Variants in KPNA5 observed in about 807,000 individuals in gnomAD.
KPNA5 encodes the protein importin subunit alpha-6.
KPNA5 carries 46 observed loss-of-function variants against 71.3 expected under a neutral mutation model. The ratio of observed to expected loss-of-function variants is 0.65; its 90% CI spans 0.51 to 0.83. The LOEUF is 0.83. Ranked by LOEUF, KPNA5 falls within the 40% of genes least tolerant of loss-of-function variation. The probability of loss-of-function intolerance (pLI) is 0.00; values close to 1 mark genes in which losing one functional copy is unlikely to be tolerated. For missense variants in KPNA5, 547 were observed against 628.3 expected, an observed-to-expected ratio of 0.87 and a Z score of 1.38; for synonymous variants, 207 against 201.4, an observed-to-expected ratio of 1.03 and a Z score of -0.24.
intron 6 of KPNA5, 136 bp from the exon 7 acceptor site, chr6:116,704,936 A>G (rs959315511): frequency 1.5e-5 from 9 of 603,294 alleles, no homozygotes; most frequent in Middle Eastern, 8.9e-4. Context: ...TTGAATTTTA[A>G]AAGTTTTTCT....
intron 4 of KPNA5, among the ~76,000 whole-genome samples, chr6:116,693,037 CA>C (rs1777867066): frequency 6.6e-6 from 1 of 152,220 alleles, no homozygotes; most frequent in South Asian, 2.1e-4. Flanking sequence ...TTTCCAGCTT[CA>C]TCCATGTCCC....
intron 5 of KPNA5, among the ~76,000 whole-genome samples, chr6:116,701,492 C>A (rs149546117): frequency 6.6e-6 from 1 of 152,272 alleles, no homozygotes; most frequent in African/African-American, 2.4e-5. Flanking sequence ...GAAGTCCCAG[C>A]ACTGGCTCTG....
At chr6:116,729,189 G>C (rs1189621893) in intron 12 of KPNA5, among the ~76,000 whole-genome samples, 1 of 145,768 alleles carries the variant, frequency 6.9e-6, no homozygotes, top group African/African-American at 2.6e-5. Flanking sequence ...GTGTGTGTGT[G>C]TGTGTGTGTG....
chr6:116,725,422 G>A (rs1406093575), intron 10 of KPNA5, among the ~76,000 whole-genome samples: 1 of 151,938 alleles, frequency 6.6e-6, no homozygotes. Context: ...AATTCATTTG[G>A]CAAAACTAGA....
intron 1 of KPNA5, among the ~76,000 whole-genome samples, chr6:116,683,691 C>T (rs1777450914): frequency 6.6e-6 from 1 of 151,680 alleles, no homozygotes; most frequent in Admixed American, 6.6e-5. Flanking sequence ...TGCCAGGAGT[C>T]TCCCTCCCGG....
chr6:116,706,518 C>T (rs146035155), intron 7 of KPNA5, among the ~76,000 whole-genome samples: 1,521 of 152,024 alleles, frequency 0.01, 26 homozygotes, highest in African/African-American at 0.034. Context: ...GGAGAAACCC[C>T]GTCTCTACTG....
At position 116,725,665 on chromosome 6, in the gene KPNA5, T is replaced by G. The variant is rs1054902800; in HGVS notation, c.1000-86T>G. 10 of 1,208,698 alleles carry G rather than the reference T, an allele frequency of 8.3e-6. No individual in the cohort carries two copies. The African/African-American group carries it at 1.2e-4, about 15-fold the overall frequency. 74.9% of individuals were successfully genotyped at this position (1,208,698 alleles called of 1,614,324 possible). A position where few individuals can be genotyped will look rare whatever the true frequency, so the allele number is the denominator to read the frequency against. ...CTTAATTTCACTTTCTAGAATGGGTTTTGTACATCTAAATAATTCATTAGT... is the reference window on the plus strand; with the variant it reads ...CTTAATTTCACTTTCTAGAATGGGTGTTGTACATCTAAATAATTCATTAGT... On this transcript the variant is annotated intron_variant, in intron 10 of 13. Coordinates refer to ENST00000368564, the MANE Select transcript of KPNA5 (RefSeq NM_001366306.2).
At chr6:116,710,894 T>TA (rs57807333) in intron 7 of KPNA5, among the ~76,000 whole-genome samples, 4,209 of 78,060 alleles carry the variant, frequency 0.054, 81 homozygotes, top group South Asian at 0.094. Context: ...TATATATATA[T>TA]TTTTTTTTTT....
intron 1 of KPNA5, among the ~76,000 whole-genome samples, chr6:116,683,896 C>CTTTTTTTTTTTTT (rs140446065): frequency 1.7e-5 from 1 of 59,540 alleles, no homozygotes; most frequent in Non-Finnish European, 3.6e-5. Context: ...CGTGCCCGGC[C>CTTTTTTTTTTTTT]TTTTTTTTTT....
chr6:116,726,745 G>T, intron 12 of KPNA5, 123 bp downstream of exon 12: 1 of 883,390 alleles, frequency 1.1e-6, no homozygotes, highest in South Asian at 2.3e-5. Context: ...AATATGAAAT[G>T]ACAGCATGTA....
intron 1 of KPNA5, chr6:116,681,649 T>G (rs1261814114): frequency 1.4e-6 from 1 of 734,692 alleles, no homozygotes; most frequent in African/African-American, 1.9e-5. Context: ...TTCTTTTCAG[T>G]TAATGGAATT....
intron 6 of KPNA5, among the ~76,000 whole-genome samples, chr6:116,704,322 G>A (rs1388037863): frequency 6.6e-6 from 1 of 152,172 alleles, no homozygotes; most frequent in Non-Finnish European, 1.5e-5. Flanking sequence ...ACAGGCATGA[G>A]CCACTGCACC....
At chr6:116,710,712 T>G (rs1462847303) in intron 7 of KPNA5, among the ~76,000 whole-genome samples, 1 of 151,606 alleles carries the variant, frequency 6.6e-6, no homozygotes, top group Non-Finnish European at 1.5e-5. Context: ...AGATTTTCTA[T>G]TCTTAAGTCA....
At chr6:116,694,027 G>C (rs1480830784) in intron 4 of KPNA5, among the ~76,000 whole-genome samples, 2 of 152,162 alleles carry the variant, frequency 1.3e-5, no homozygotes, top group African/African-American at 4.8e-5. Flanking sequence ...TGTCAGGTTT[G>C]TCAAAGATCA....
chr6:116,726,824 T>TTCA (rs1305890849), intron 12 of KPNA5, among the ~76,000 whole-genome samples: 2 of 152,056 alleles, frequency 1.3e-5, no homozygotes, highest in African/African-American at 4.8e-5. Flanking sequence ...TTCTCCTTGA[T>TTCA]AGGCTGCTTA....
chr6:116,701,132 G>A (rs1778213672), intron 5 of KPNA5, among the ~76,000 whole-genome samples: 1 of 152,030 alleles, frequency 6.6e-6, no homozygotes, highest in Non-Finnish European at 1.5e-5. Flanking sequence ...ACACGTAAAA[G>A]TAACTGTACT....
rs1419985084 is a variant in KPNA5, at chr6:116,740,657, T to C, written c.*8334T>C. On this transcript the variant is annotated 3_prime_UTR_variant, in exon 14 of 14. Transcript: ENST00000368564. Reference sequence around the variant, plus strand: ...GGCACATATACACCATGGAATACTATGCAGCCATAAAAAATGATGAGTTCA... The same window carrying C: ...GGCACATATACACCATGGAATACTACGCAGCCATAAAAAATGATGAGTTCA... The C allele has an allele frequency of 6.6e-6, 1 of 152,126 alleles. No individual in the cohort carries two copies. Among genetic ancestry groups the C allele is most frequent in the Non-Finnish European group, 1.5e-5 (1 of 68,030 alleles). 9.4% of individuals were successfully genotyped at this position (152,126 alleles called of 1,614,324 possible). A position where few individuals can be genotyped will look rare whatever the true frequency, so the allele number is the denominator to read the frequency against.
intron 7 of KPNA5, among the ~76,000 whole-genome samples, chr6:116,715,656 G>A (rs548330564): frequency 2.0e-5 from 3 of 152,046 alleles, no homozygotes; most frequent in African/African-American, 4.8e-5. Flanking sequence ...GGTGGTTCAC[G>A]CCTGTAATCC....
At chr6:116,681,804 T>A (rs1184137473) in intron 1 of KPNA5, among the ~76,000 whole-genome samples, 1 of 152,116 alleles carries the variant, frequency 6.6e-6, no homozygotes, top group East Asian at 1.9e-4. Context: ...CTCCTCCACC[T>A]GCGTGCAGGT....
Sources: allele counts gnomAD v4.1 joint callset (sites outside exome capture counted in the v4.1 genomes callset), GRCh38; gene constraint gnomAD v4.1.1; transcripts MANE v1.5; gene names NCBI Gene and HGNC (gene_info 2026-07-23, HGNC 2026-07-21).